Variants in PCDH15 observed in about 807,000 individuals in gnomAD.
The protein encoded by PCDH15 is protocadherin related 15, also known as protocadherin-15.
In PCDH15, 129 loss-of-function variants were observed where a neutral mutation model predicts 178.5. That is an observed-to-expected ratio of 0.72 (90% CI 0.63 to 0.84). The LOEUF is 0.84. Among genes scored for constraint, PCDH15 ranks in the 40% least tolerant of loss-of-function variants. The pLI, the probability that PCDH15 is intolerant of heterozygous loss-of-function variation, is 0.00. For missense variants in PCDH15, 2,230 were observed against 2,099.9 expected (o/e 1.06, Z -1.21); for synonymous variants, 800 against 732.0 (o/e 1.09, Z -1.50).
chr10:54,481,954 G>C (rs1159418477), intron 3 of PCDH15, among the ~76,000 whole-genome samples: 1 of 151,716 alleles, frequency 6.6e-6, no homozygotes, highest in Admixed American at 6.6e-5. Flanking sequence ...TTAATACAGA[G>C]GTAAGTGTTA....
chr10:55,024,005 T>C (rs931362325), intron 2 of PCDH15, among the ~76,000 whole-genome samples: 2 of 148,542 alleles, frequency 1.3e-5, no homozygotes, highest in Admixed American at 6.8e-5. Context: ...CTCATATATA[T>C]AATCTTTTTA....
intron 18 of PCDH15, among the ~76,000 whole-genome samples, chr10:54,044,848 G>T (rs757601740): frequency 3.3e-5 from 5 of 152,072 alleles, no homozygotes; most frequent in Non-Finnish European, 5.9e-5. Context: ...AGTATGAGTT[G>T]CTTTTTTATT....
intron 2 of PCDH15, among the ~76,000 whole-genome samples, chr10:55,074,129 T>G (rs903477736): frequency 6.6e-6 from 1 of 152,186 alleles, no homozygotes; most frequent in Non-Finnish European, 1.5e-5. Flanking sequence ...GCATTTGGGT[T>G]GATTCCATGT....
intron 3 of PCDH15, among the ~76,000 whole-genome samples, chr10:54,402,794 A>T (rs1212746501): frequency 6.6e-6 from 1 of 151,936 alleles, no homozygotes; most frequent in Non-Finnish European, 1.5e-5. Flanking sequence ...CCTACTGGCC[A>T]TTCTCCCATC....
intron 2 of PCDH15, among the ~76,000 whole-genome samples, chr10:55,009,534 C>T (rs184021779): frequency 6.6e-6 from 1 of 152,152 alleles, no homozygotes; most frequent in African/African-American, 2.4e-5. Flanking sequence ...CTTATCGAGA[C>T]TGTAAGCAAA....
At chr10:54,026,492 A>T (rs938016531) in intron 18 of PCDH15, among the ~76,000 whole-genome samples, 2 of 152,222 alleles carry the variant, frequency 1.3e-5, no homozygotes, top group Non-Finnish European at 2.9e-5. Flanking sequence ...TTAAATTGGT[A>T]TAAATTACGA....
At chr10:54,131,925 T>C (rs935556044) in intron 15 of PCDH15, among the ~76,000 whole-genome samples, 4 of 152,186 alleles carry the variant, frequency 2.6e-5, no homozygotes, top group African/African-American at 9.7e-5. Context: ...GGTGTTAATA[T>C]TCGAATGGGA....
chr10:53,911,299 A>C (rs2133773332), intron 25 of PCDH15, among the ~76,000 whole-genome samples: 1 of 152,358 alleles, frequency 6.6e-6, no homozygotes, highest in East Asian at 1.9e-4. Context: ...CTCAGGATTA[A>C]AAAACTCACT....
At chr10:54,218,508 GTCTC>G (rs1193926108) in intron 9 of PCDH15, among the ~76,000 whole-genome samples, 1 of 152,142 alleles carries the variant, frequency 6.6e-6, no homozygotes, top group African/African-American at 2.4e-5. Flanking sequence ...TGTTCTCTTT[GTCTC>G]TCTTTCTTTC....
intron 2 of PCDH15, among the ~76,000 whole-genome samples, chr10:55,575,485 C>T (rs894513104): frequency 2.6e-5 from 4 of 152,112 alleles, no homozygotes; most frequent in East Asian, 1.9e-4. Flanking sequence ...TTAATTCAAC[C>T]CCATACTGGA....
chr10:53,821,844 T>C lies in PCDH15; in HGVS notation c.4368-1614A>G, dbSNP rs571192112. The C allele has an allele frequency of 3.1e-6, 5 of 1,611,874 alleles. No individual in the cohort carries two copies. The East Asian group carries it at 8.9e-5, about 29-fold the overall frequency. On this transcript the variant is annotated intron_variant, in intron 32 of 37. Transcript: ENST00000644397. ...CAACAAGAGGTTTGCCCGACTAAAATAAGAAAAGCAACATTACAGTGAAGT... is the reference window on the plus strand; with the variant it reads ...CAACAAGAGGTTTGCCCGACTAAAACAAGAAAAGCAACATTACAGTGAAGT...
At chr10:54,443,228 C>T (rs1178053105) in intron 3 of PCDH15, among the ~76,000 whole-genome samples, 2 of 151,608 alleles carry the variant, frequency 1.3e-5, no homozygotes, top group East Asian at 1.9e-4. Flanking sequence ...GATAAGTCTC[C>T]TTCTTAGTCC....
chr10:53,968,590 G>T (rs533061492), intron 21 of PCDH15, among the ~76,000 whole-genome samples: 13 of 152,290 alleles, frequency 8.5e-5, no homozygotes, highest in South Asian at 2.1e-4. Flanking sequence ...GCCTAACTGG[G>T]AGACACATCC....
chr10:53,810,632 C>A lies in PCDH15; in HGVS notation c.4595G>T (p.Arg1532Leu). 6.2e-7 allele frequency: 1 copy of A among 1,613,798 alleles called. No homozygotes were observed. The stretch of plus-strand genomic sequence containing the variant: ...CTCCTGTCCAGCTGGTGGTAACAAT[C>A]GACGGCGACTCCCATATTGAGGCAT... ...YEMPQYGSRR[R>L]LLPPAGQEEY... Residue 1532 changes from arginine (R) to leucine (L), a missense_variant, in exon 37 of 38, where the codon CGA becomes CTA. Coordinates refer to ENST00000644397, the MANE Select transcript of PCDH15 (RefSeq NM_001384140.1).
At chr10:54,231,496 G>A (rs576633369) in intron 9 of PCDH15, among the ~76,000 whole-genome samples, 3 of 152,342 alleles carry the variant, frequency 2.0e-5, no homozygotes, top group Non-Finnish European at 4.4e-5. Flanking sequence ...ATGTGAGGTG[G>A]GAGCCCCCAC....
intron 2 of PCDH15, among the ~76,000 whole-genome samples, chr10:55,619,678 A>T (rs1296398505): frequency 1.3e-5 from 2 of 152,054 alleles, no homozygotes; most frequent in African/African-American, 2.4e-5. Flanking sequence ...ATTTTTCAAT[A>T]TCTAAATTCT....
intron 2 of PCDH15, among the ~76,000 whole-genome samples, chr10:55,420,400 GA>G (rs1281401714): frequency 6.6e-6 from 1 of 151,630 alleles, no homozygotes; most frequent in East Asian, 1.9e-4. Flanking sequence ...AGGTTGGCAA[GA>G]ATGAGAACTC....
At chr10:55,587,366 T>A (rs1423966015) in intron 2 of PCDH15, among the ~76,000 whole-genome samples, 1 of 152,048 alleles carries the variant, frequency 6.6e-6, no homozygotes, top group Non-Finnish European at 1.5e-5. Flanking sequence ...TTTTAATTAT[T>A]TAAATGGGTT....
chr10:54,300,383 A>C (rs183397254), intron 8 of PCDH15, among the ~76,000 whole-genome samples: 154 of 152,302 alleles, frequency 1.0e-3, no homozygotes, highest in African/African-American at 3.6e-3. Flanking sequence ...CTCTAGGATC[A>C]AGGCCATCAA....
Sources: allele counts gnomAD v4.1 joint callset (sites outside exome capture counted in the v4.1 genomes callset), GRCh38; gene constraint gnomAD v4.1.1; transcripts MANE v1.5; gene names NCBI Gene and HGNC (gene_info 2026-07-23, HGNC 2026-07-21).